ASB5: variants seen among roughly 807,000 people sequenced by gnomAD.
The protein encoded by ASB5 is ankyrin repeat and SOCS box protein 5.
In ASB5, 45 loss-of-function variants were observed where a neutral mutation model predicts 42.1. The ratio of observed to expected loss-of-function variants is 1.07; its 90% CI spans 0.84 to 1.37. The LOEUF is 1.37. ASB5 is among the 40% of genes most tolerant of loss of function. ASB5 has a pLI of 0.00. For synonymous variants in ASB5, 147 were observed against 150.6 expected (o/e 0.98, Z 0.18); for missense variants, 402 against 399.8 (o/e 1.01, Z -0.05).
intron 1 of ASB5, among the ~76,000 whole-genome samples, chr4:176,265,188 A>T (rs1367695392): frequency 6.6e-6 from 1 of 152,052 alleles, no homozygotes; most frequent in African/African-American, 2.4e-5. Context: ...ATCTGGGCCC[A>T]ACTTATTGTT....
intron 2 of ASB5, among the ~76,000 whole-genome samples, chr4:176,274,954 G>A (rs1055599746): frequency 1.0e-4 from 13 of 124,370 alleles, no homozygotes; most frequent in Admixed American, 3.2e-4. Context: ...TTACTCTGTC[G>A]CCCAGGCTGG....
intron 1 of ASB5, among the ~76,000 whole-genome samples, chr4:176,246,966 T>C (rs1753925267): frequency 6.6e-6 from 1 of 152,216 alleles, no homozygotes; most frequent in East Asian, 1.9e-4. Context: ...CATAGATTCC[T>C]ATTAGAATTA....
At chr4:176,261,692 A>T (rs943224335) in intron 1 of ASB5, among the ~76,000 whole-genome samples, 1 of 152,150 alleles carries the variant, frequency 6.6e-6, no homozygotes, top group Non-Finnish European at 1.5e-5. Flanking sequence ...GATGACCTCA[A>T]TCTCTTCCCT....
At chr4:176,266,357 A>T (rs376425755) in intron 1 of ASB5, among the ~76,000 whole-genome samples, 1 of 152,180 alleles carries the variant, frequency 6.6e-6, no homozygotes, top group African/African-American at 2.4e-5. Flanking sequence ...GGAATGAGAA[A>T]CCCAATTCAA....
intron 1 of ASB5, among the ~76,000 whole-genome samples, chr4:176,254,043 A>G (rs1754099001): frequency 1.3e-5 from 2 of 152,188 alleles, no homozygotes; most frequent in Non-Finnish European, 2.9e-5. Context: ...TTTTCACAGA[A>G]CTAGAAAAAC....
In ASB5 at chr4:176,235,142, C is replaced by A. The variant is rs114717476; in HGVS notation, c.197-9801G>T. Among the ~76,000 whole-genome samples the A allele has an allele frequency of 9.8e-3, 1,497 of 152,112 alleles. 21 individuals carry two copies. The highest frequency in any genetic ancestry group is 0.034 in the African/African-American group (1,429 of 41,490). ...TAATAAATGTAACTAACAGACTAGA[C>A]AAATGAAGAGTTACTTCAATAAAAG... On this transcript the variant is annotated intron_variant, in intron 1 of 6. Transcript: ENST00000296525.
chr4:176,241,221 A>C (rs1753805095), intron 1 of ASB5, among the ~76,000 whole-genome samples: 1 of 152,218 alleles, frequency 6.6e-6, no homozygotes, highest in South Asian at 2.1e-4. Context: ...TCTGAAAAGC[A>C]ACTCAGTTCA....
intron 5 of ASB5, among the ~76,000 whole-genome samples, chr4:176,217,370 G>GT (rs1273413929): frequency 6.6e-6 from 1 of 151,982 alleles, no homozygotes. Flanking sequence ...GCACAATTAA[G>GT]TTCACTCATT....
At chr4:176,260,672 TTTTG>T (rs1257567730) in intron 1 of ASB5, among the ~76,000 whole-genome samples, 6 of 152,110 alleles carry the variant, frequency 3.9e-5, no homozygotes, top group Non-Finnish European at 5.9e-5. Context: ...TGTTGTTTGT[TTTTG>T]TTTGTTTGTT....
chr4:176,225,456 C>T, intron 1 of ASB5, 115 bp from the exon 2 acceptor site: 2 of 851,584 alleles, frequency 2.3e-6, no homozygotes, highest in Non-Finnish European at 1.9e-6. Flanking sequence ...CAGTGTTCAA[C>T]AGGGTGAGCC....
At chr4:176,255,173 T>C (rs1372604816) in intron 1 of ASB5, among the ~76,000 whole-genome samples, 2 of 151,948 alleles carry the variant, frequency 1.3e-5, no homozygotes, top group African/African-American at 4.8e-5. Flanking sequence ...TGAGATACCA[T>C]CTCACTTTGG....
At chr4:176,222,452 A>G (rs1315117963) in intron 2 of ASB5, 32 bp from the exon 3 acceptor site, 2 of 1,542,038 alleles carry the variant, frequency 1.3e-6, no homozygotes, top group African/African-American at 2.7e-5. Context: ...AAGGTGAGCA[A>G]AGAGTTATAT....
At chr4:176,244,800 A>C (rs4690673) in intron 1 of ASB5, among the ~76,000 whole-genome samples, 149,686 of 152,148 alleles carry the variant, frequency 0.98, 73,664 homozygotes, top group Non-Finnish European at 1. Flanking sequence ...TGCCTATAAC[A>C]CCAGATACTC....
At chr4:176,276,211 C>A (rs1754561846) in intron 1 of ASB5, among the ~76,000 whole-genome samples, 1 of 152,132 alleles carries the variant, frequency 6.6e-6, no homozygotes, top group African/African-American at 2.4e-5. Context: ...CACTCACTCG[C>A]CTGCACTGTA....
chr4:176,219,410 AAT>A (rs765115907), intron 5 of ASB5, among the ~76,000 whole-genome samples: 1 of 60,194 alleles, frequency 1.7e-5, no homozygotes, highest in African/African-American at 7.5e-5. Context: ...ATGATATATA[AAT>A]ATATATATGT....
At chr4:176,226,438 C>G (rs1753380666) in intron 1 of ASB5, among the ~76,000 whole-genome samples, 1 of 152,114 alleles carries the variant, frequency 6.6e-6, no homozygotes. Context: ...TGGACTGAGC[C>G]ACGCTACCTC....
intron 2 of ASB5, among the ~76,000 whole-genome samples, chr4:176,224,749 A>G (rs1191362124): frequency 6.6e-6 from 1 of 152,008 alleles, no homozygotes; most frequent in African/African-American, 2.4e-5. Context: ...TTCAATAAGG[A>G]TTTGTGTTTT....
At chr4:176,244,251 A>T (rs1725630267) in intron 1 of ASB5, among the ~76,000 whole-genome samples, 1 of 152,220 alleles carries the variant, frequency 6.6e-6, no homozygotes, top group Admixed American at 6.5e-5. Flanking sequence ...GCTAGAATAA[A>T]ATTATAGCCA....
At chr4:176,223,561 C>T (rs564891213) in intron 2 of ASB5, among the ~76,000 whole-genome samples, 51 of 152,268 alleles carry the variant, frequency 3.3e-4, no homozygotes, top group South Asian at 1.2e-3. Context: ...ACAGGAAGAA[C>T]CTCAAAGCCA....
Sources: allele counts gnomAD v4.1 joint callset (sites outside exome capture counted in the v4.1 genomes callset), GRCh38; gene constraint gnomAD v4.1.1; transcripts MANE v1.5; gene names NCBI Gene and HGNC (gene_info 2026-07-23, HGNC 2026-07-21).